Variants in QKI observed in about 807,000 individuals in gnomAD.
QKI encodes the protein KH domain-containing RNA-binding protein QKI.
A neutral mutation model predicts 39.0 loss-of-function variants in QKI; 10 were observed. The ratio of observed to expected loss-of-function variants is 0.26; its 90% confidence interval spans 0.16 to 0.43. The LOEUF (loss-of-function observed/expected upper bound fraction) is 0.43. Among genes scored for constraint, QKI ranks in the 20% least tolerant of loss-of-function variants. The probability of loss-of-function intolerance (pLI) is 1.00; values close to 1 mark genes in which losing one functional copy is unlikely to be tolerated. For missense variants in QKI, 218 were observed against 428.0 expected (o/e 0.51, Z 4.33); for synonymous variants, 204 against 155.4 (o/e 1.31, Z -2.33).
intron 4 of QKI, among the ~76,000 whole-genome samples, chr6:163,546,009 G>T (rs1050698278): frequency 6.8e-6 from 1 of 146,898 alleles, no homozygotes; most frequent in Admixed American, 6.8e-5. Flanking sequence ...TTTATAATTG[G>T]TATAAATATA....
chr6:163,425,052 C>T (rs1244088740), intron 1 of QKI, among the ~76,000 whole-genome samples: 1 of 152,162 alleles, frequency 6.6e-6, no homozygotes, highest in East Asian at 1.9e-4. Context: ...CATGTAGGTT[C>T]AGCTAGTTTT....
Position 163,535,222 on chromosome 6 carries a change from T to G in QKI, c.546+97T>G, listed in dbSNP as rs1583179170. ...TGTTTATAAGGAATAGGTTATTGGT[T>G]GTTAGAAATTTTATTTAAGCATAAA... On this transcript the variant is annotated intron_variant, in intron 4 of 7. Transcript: ENST00000361752. 4.1e-6 allele frequency: 5 copies of G among 1,229,238 alleles called. No homozygotes were observed. The African/African-American group carries it at 6.2e-5, about 15-fold the overall frequency. The allele number at this position is 1,229,238 out of a possible 1,614,324, so 76.1% of individuals were successfully genotyped here.
intron 4 of QKI, among the ~76,000 whole-genome samples, chr6:163,550,559 A>T (rs892481890): frequency 6.6e-6 from 1 of 152,178 alleles, no homozygotes; most frequent in African/African-American, 2.4e-5. Flanking sequence ...AATTACTTCT[A>T]ACTCTGGTAC....
At chr6:163,502,810 A>C (rs1778853400) in intron 3 of QKI, among the ~76,000 whole-genome samples, 1 of 152,144 alleles carries the variant, frequency 6.6e-6, no homozygotes, top group African/African-American at 2.4e-5. Flanking sequence ...GCTGTGATGA[A>C]CATGCAAGTT....
intron 3 of QKI, among the ~76,000 whole-genome samples, chr6:163,488,936 A>AT: frequency 7.3e-6 from 1 of 137,774 alleles, no homozygotes; most frequent in Admixed American, 7.1e-5. Context: ...GTTTGGGTAG[A>AT]TTTTTTATTT....
intron 4 of QKI, among the ~76,000 whole-genome samples, chr6:163,542,577 C>T (rs763067854): frequency 6.6e-6 from 1 of 152,064 alleles, no homozygotes; most frequent in South Asian, 2.1e-4. Context: ...TGATTTCAGG[C>T]AACTGAAGTT....
intron 3 of QKI, among the ~76,000 whole-genome samples, chr6:163,526,954 G>A (rs1438258016): frequency 6.6e-6 from 1 of 152,156 alleles, no homozygotes; most frequent in East Asian, 1.9e-4. Flanking sequence ...TGTGTCTGTA[G>A]GAGATAGATG....
At chr6:163,420,021 A>G (rs1787858686) in intron 1 of QKI, among the ~76,000 whole-genome samples, 1 of 152,176 alleles carries the variant, frequency 6.6e-6, no homozygotes, top group African/African-American at 2.4e-5. Context: ...TTTCAGGGAA[A>G]TAGATTTCTG....
intron 3 of QKI, among the ~76,000 whole-genome samples, chr6:163,500,991 A>C (rs1211379426): frequency 6.6e-6 from 1 of 152,132 alleles, no homozygotes; most frequent in Admixed American, 6.5e-5. Context: ...ATAGAAACCC[A>C]CAAAATAAGA....
chr6:163,566,134 G>A, intron 6 of QKI: 1 of 1,422,268 alleles, frequency 7.0e-7, no homozygotes. Flanking sequence ...ATTTGGTTTA[G>A]TCTGTAATAT....
intron 1 of QKI, among the ~76,000 whole-genome samples, chr6:163,424,300 TGA>T (rs1483778613): frequency 1.3e-5 from 2 of 152,324 alleles, no homozygotes; most frequent in Middle Eastern, 3.4e-3. Context: ...GCCATTATCA[TGA>T]GAGTATTCAA....
chr6:163,446,339 T>C (rs1583002638), intron 1 of QKI, among the ~76,000 whole-genome samples: 2 of 152,226 alleles, frequency 1.3e-5, no homozygotes, highest in East Asian at 3.8e-4. Context: ...ATCCCTGTTA[T>C]CTTGGGTACC....
chr6:163,466,855 A>C (rs575979413), intron 2 of QKI, among the ~76,000 whole-genome samples: 144 of 152,338 alleles, frequency 9.5e-4, no homozygotes, highest in African/African-American at 3.3e-3. Flanking sequence ...AAACACAAGC[A>C]ACAAAAGCAA....
chr6:163,565,233 T>C, intron 6 of QKI: 1 of 988,922 alleles, frequency 1.0e-6, no homozygotes. Context: ...TTTTCTTTTC[T>C]ATTAATACTC....
At chr6:163,569,198 TC>T in intron 7 of QKI, 1 of 959,230 alleles carries the variant, frequency 1.0e-6, no homozygotes, top group Non-Finnish European at 1.2e-6. Context: ...TAAATAAAAT[TC>T]CACTTTTAAG....
intron 6 of QKI, chr6:163,565,907 T>A (rs575793360): frequency 1.9e-6 from 3 of 1,612,938 alleles, no homozygotes; most frequent in Admixed American, 1.7e-5. Flanking sequence ...CAAGTCTTCA[T>A]TGATGACTAA....
In QKI at chr6:163,535,141, C is replaced by G. The variant is rs370499863; in HGVS notation, c.546+16C>G. On this transcript the variant is annotated intron_variant, in intron 4 of 7. Coordinates refer to ENST00000361752, the MANE Select transcript of QKI (RefSeq NM_006775.3). ...GGTACCTGCAGTAAGTAATAATTTC[C>G]AGACCTTAGATTTGGGCCTCGTCCT... 40 of 1,565,182 alleles carry G rather than the reference C, an allele frequency of 2.6e-5. No individual in the cohort carries two copies. The highest frequency in any genetic ancestry group is 3.5e-5 in the Non-Finnish European group (40 of 1,157,482).
rs960362814 is a variant in QKI, at chr6:163,573,869, G to A, written c.*3159G>A. ...AATAAACAAATAAAGACAAAAGAAT[G>A]TAAAGTCTTGAGTTACTGGACTAAC... On this transcript the variant is annotated 3_prime_UTR_variant, in exon 8 of 8. Transcript: ENST00000361752. The A allele has an allele frequency of 2.0e-5, 3 of 152,188 alleles. No homozygotes were observed. The highest frequency in any genetic ancestry group is 1.3e-4 in the Admixed American group (2 of 15,284). The allele number at this position is 152,188 out of a possible 1,614,324, so 9.4% of individuals were successfully genotyped here. A position where few individuals can be genotyped will look rare whatever the true frequency, so the allele number is the denominator to read the frequency against.
intron 1 of QKI, among the ~76,000 whole-genome samples, chr6:163,434,151 A>G (rs533958475): frequency 6.6e-6 from 1 of 152,220 alleles, no homozygotes; most frequent in South Asian, 2.1e-4. Flanking sequence ...GTGCTCAAGG[A>G]GCCACACAAT....
Sources: gnomAD v4.1 joint callset for allele counts (sites outside exome capture counted in the v4.1 genomes callset) on GRCh38, gnomAD v4.1.1 for gene constraint, MANE v1.5 for transcripts, NCBI Gene and HGNC (gene_info 2026-07-23, HGNC 2026-07-21) for gene names.